OSBPL1A: variants seen among roughly 807,000 people sequenced by gnomAD.
OSBPL1A encodes oxysterol binding protein like 1A, also known as oxysterol-binding protein-related protein 1.
Under a neutral mutation model 137.1 loss-of-function variants are expected in OSBPL1A, and 80 were observed. The ratio of observed to expected loss-of-function variants is 0.58; its 90% CI spans 0.49 to 0.70. The LOEUF (loss-of-function observed/expected upper bound fraction) is 0.70, where lower values mean the gene tolerates loss of function less well. Among genes scored for constraint, OSBPL1A ranks in the 30% least tolerant of loss-of-function variants. The probability of loss-of-function intolerance (pLI) is 0.00; values close to 1 mark genes in which losing one functional copy is unlikely to be tolerated. For synonymous variants in OSBPL1A, 365 were observed against 389.7 expected (o/e 0.94, Z 0.75); for missense variants, 970 against 1,129.4 (o/e 0.86, Z 2.02).
intron 17 of OSBPL1A, among the ~76,000 whole-genome samples, chr18:24,223,857 G>A (rs2087974759): frequency 6.6e-6 from 1 of 152,148 alleles, no homozygotes; most frequent in Non-Finnish European, 1.5e-5. Flanking sequence ...GTTCTCATCA[G>A]ACTGGCATGG....
intron 12 of OSBPL1A, among the ~76,000 whole-genome samples, chr18:24,313,731 T>G (rs1435384612): frequency 1.3e-5 from 2 of 152,172 alleles, no homozygotes; most frequent in Admixed American, 1.3e-4. Context: ...GAAAAACAAA[T>G]TATGAACAGA....
chr18:24,285,540 T>C (rs996255147), intron 14 of OSBPL1A, among the ~76,000 whole-genome samples: 1 of 152,222 alleles, frequency 6.6e-6, no homozygotes, highest in Non-Finnish European at 1.5e-5. Flanking sequence ...TTTCAACATT[T>C]AACTGAAATA....
intron 2 of OSBPL1A, 136 bp downstream of exon 2, chr18:24,377,277 C>T: frequency 9.1e-7 from 1 of 1,094,874 alleles, no homozygotes; most frequent in Non-Finnish European, 1.2e-6. Flanking sequence ...GAGACATTTC[C>T]TCCAATCTGT....
intron 24 of OSBPL1A, among the ~76,000 whole-genome samples, chr18:24,169,543 T>G (rs920961472): frequency 6.6e-6 from 1 of 152,266 alleles, no homozygotes; most frequent in Non-Finnish European, 1.5e-5. Flanking sequence ...TAGGTGCTAT[T>G]ATAGTGCCCG....
chr18:24,330,331 C>A (rs1179775376), intron 7 of OSBPL1A, among the ~76,000 whole-genome samples: 3 of 152,092 alleles, frequency 2.0e-5, no homozygotes, highest in Admixed American at 2.0e-4. Context: ...CTTCCCTCTG[C>A]TCAGAATACC....
intron 15 of OSBPL1A, among the ~76,000 whole-genome samples, chr18:24,261,326 TC>T (rs2089441399): frequency 2.0e-5 from 3 of 152,362 alleles, no homozygotes; most frequent in African/African-American, 7.2e-5. Flanking sequence ...GTATTCCTTA[TC>T]TTGATTGTTG....
chr18:24,364,604 AT>A (rs1000913269), intron 4 of OSBPL1A, among the ~76,000 whole-genome samples: 16 of 151,204 alleles, frequency 1.1e-4, no homozygotes, highest in African/African-American at 2.4e-4. Flanking sequence ...CAAACAAACA[AT>A]TTTTTTTTAA....
At chr18:24,345,488 A>G (rs887923486) in intron 4 of OSBPL1A, among the ~76,000 whole-genome samples, 1 of 152,164 alleles carries the variant, frequency 6.6e-6, no homozygotes, top group Non-Finnish European at 1.5e-5. Flanking sequence ...GGAGTTCAAG[A>G]CCAGCCTGGC....
intron 4 of OSBPL1A, among the ~76,000 whole-genome samples, chr18:24,365,028 A>C (rs11083061): frequency 0.023 from 3,413 of 145,760 alleles, 47 homozygotes; most frequent in African/African-American, 0.079. Context: ...ACAACAACAA[A>C]AAAAAAAAAA....
Position 24,169,905 on chromosome 18 carries a change from C to T in OSBPL1A, c.2418+422G>A, listed in dbSNP as rs544805700. ...CCTTTAACTACGACCATCTTAACTT[C>T]GGTAATTTCACGATAAGGAACAAGG... On this transcript the variant is annotated intron_variant, in intron 24 of 27. Transcript: ENST00000319481. 1.1e-4 allele frequency among the ~76,000 whole-genome samples: 17 copies of T among 152,246 alleles called. No individual in the cohort carries two copies. In the South Asian group the frequency reaches 2.1e-3, roughly 19 times the overall value.
At chr18:24,228,533 A>G (rs2088167383) in intron 16 of OSBPL1A, among the ~76,000 whole-genome samples, 1 of 152,210 alleles carries the variant, frequency 6.6e-6, no homozygotes, top group Non-Finnish European at 1.5e-5. Flanking sequence ...TGAAGGAAGC[A>G]TAAGATCTGG....
intron 4 of OSBPL1A, among the ~76,000 whole-genome samples, chr18:24,364,604 ATTTTTTTTTAATTT>A (rs1257793204): frequency 6.6e-6 from 1 of 151,086 alleles, no homozygotes; most frequent in Non-Finnish European, 1.5e-5. Context: ...CAAACAAACA[ATTTTTTTTTAATTT>A]TTTTTTTTTA....
intron 15 of OSBPL1A, among the ~76,000 whole-genome samples, chr18:24,278,744 C>T (rs553600243): frequency 5.3e-5 from 8 of 152,230 alleles, no homozygotes; most frequent in South Asian, 2.1e-4. Flanking sequence ...GAGTGAAATG[C>T]GGTTTTACAA....
At chr18:24,338,591 A>G (rs1247748105) in intron 5 of OSBPL1A, among the ~76,000 whole-genome samples, 1 of 152,160 alleles carries the variant, frequency 6.6e-6, no homozygotes, top group Non-Finnish European at 1.5e-5. Flanking sequence ...AAGTAAGATC[A>G]TCCCTTCTCC....
chr18:24,303,533 A>T, intron 14 of OSBPL1A, 104 bp downstream of exon 14: 1 of 895,668 alleles, frequency 1.1e-6, no homozygotes, highest in Non-Finnish European at 1.7e-6. Context: ...TATAACTCTT[A>T]ATTCAAAACC....
chr18:24,307,750 T>C (rs548830878), intron 13 of OSBPL1A, among the ~76,000 whole-genome samples: 1 of 152,346 alleles, frequency 6.6e-6, no homozygotes, highest in East Asian at 1.9e-4. Context: ...TGCAACTTTC[T>C]GCACATTTAT....
At chr18:24,167,640 G>A (rs1039012065) in intron 24 of OSBPL1A, among the ~76,000 whole-genome samples, 195 bp from the exon 25 acceptor site, 1 of 152,144 alleles carries the variant, frequency 6.6e-6, no homozygotes, top group African/African-American at 2.4e-5. Context: ...GGAAATGACC[G>A]ATACTCAGTA....
At chr18:24,217,382 CG>C (rs1450457042) in intron 17 of OSBPL1A, among the ~76,000 whole-genome samples, 1 of 151,692 alleles carries the variant, frequency 6.6e-6, no homozygotes, top group African/African-American at 2.4e-5. Flanking sequence ...CTCAGTCTCC[CG>C]TGTAGTTGAG....
intron 18 of OSBPL1A, among the ~76,000 whole-genome samples, chr18:24,188,751 T>C (rs1313813684): frequency 1.3e-5 from 2 of 152,192 alleles, no homozygotes; most frequent in African/African-American, 2.4e-5. Flanking sequence ...TTTTAAATAA[T>C]CTTACAATTA....
Sources: allele counts gnomAD v4.1 joint callset (sites outside exome capture counted in the v4.1 genomes callset), GRCh38; gene constraint gnomAD v4.1.1; transcripts MANE v1.5; gene names NCBI Gene and HGNC (gene_info 2026-07-23, HGNC 2026-07-21).